MTSS1: variants seen among roughly 807,000 people sequenced by gnomAD.
MTSS1 encodes protein MTSS 1.
Under a neutral mutation model 79.0 loss-of-function variants are expected in MTSS1, and 18 were observed. The observed-to-expected ratio is 0.23, with a 90% CI of 0.16 to 0.34. The LOEUF (loss-of-function observed/expected upper bound fraction) is 0.34, where lower values mean the gene tolerates loss of function less well. Ranked by LOEUF, MTSS1 falls within the 10% of genes least tolerant of loss-of-function variation. The probability of loss-of-function intolerance (pLI) is 1.00; values close to 1 mark genes in which losing one functional copy is unlikely to be tolerated. For missense variants in MTSS1, 815 were observed against 986.2 expected (o/e 0.83, Z 2.33); for synonymous variants, 341 against 368.6 (o/e 0.93, Z 0.86).
At chr8:124,694,282 T>C (rs767970666) in intron 3 of MTSS1, among the ~76,000 whole-genome samples, 9 of 152,030 alleles carry the variant, frequency 5.9e-5, no homozygotes, top group Non-Finnish European at 1.3e-4. Flanking sequence ...GCCATCTGCT[T>C]GTGTCAGCAA....
intron 3 of MTSS1, among the ~76,000 whole-genome samples, chr8:124,622,090 G>GAA (rs1813664237): frequency 2.0e-5 from 3 of 151,272 alleles, no homozygotes; most frequent in South Asian, 2.1e-4. Context: ...GAGAGAGAGA[G>GAA]AGAGAGAATA....
chr8:124,565,391 CT>C (rs1826172063), intron 9 of MTSS1, among the ~76,000 whole-genome samples: 1 of 152,208 alleles, frequency 6.6e-6, no homozygotes, highest in Non-Finnish European at 1.5e-5. Context: ...CAAATGTGAT[CT>C]CATAGAATAG....
intron 3 of MTSS1, among the ~76,000 whole-genome samples, chr8:124,599,130 A>G (rs1185129450): frequency 1.3e-5 from 2 of 152,208 alleles, no homozygotes; most frequent in South Asian, 2.1e-4. Context: ...GCGCTTGAAC[A>G]GCAGCTCCCG....
intron 10 of MTSS1, among the ~76,000 whole-genome samples, chr8:124,561,653 A>G (rs1825350866): frequency 6.6e-6 from 1 of 152,100 alleles, no homozygotes; most frequent in East Asian, 1.9e-4. Flanking sequence ...TAATTTGTCA[A>G]TTAAACACAC....
At chr8:124,682,571 A>T (rs1168460168) in intron 3 of MTSS1, among the ~76,000 whole-genome samples, 1 of 152,222 alleles carries the variant, frequency 6.6e-6, no homozygotes, top group Non-Finnish European at 1.5e-5. Context: ...CCTGCAGGGT[A>T]AGAATACAGT....
At chr8:124,642,789 A>G (rs1818292819) in intron 3 of MTSS1, among the ~76,000 whole-genome samples, 1 of 152,040 alleles carries the variant, frequency 6.6e-6, no homozygotes, top group African/African-American at 2.4e-5. Flanking sequence ...GACAGGGTTT[A>G]GTCATATTGG....
chr8:124,555,467 C>G (rs544430110), intron 13 of MTSS1, among the ~76,000 whole-genome samples: 1 of 152,090 alleles, frequency 6.6e-6, no homozygotes, highest in African/African-American at 2.4e-5. Flanking sequence ...AGGATAGTCT[C>G]GATCTCCTGA....
At position 124,728,203 on chromosome 8, in the gene MTSS1, A is replaced by T; in HGVS notation, c.-248T>A. 2.8e-6 allele frequency: 1 copy of T among 361,270 alleles called. No individual in the cohort carries two copies. Among genetic ancestry groups the T allele is most frequent in the South Asian group, 6.7e-5 (1 of 14,892 alleles). The allele number at this position is 361,270 out of a possible 1,614,324, so 22.4% of individuals were successfully genotyped here. A position where few individuals can be genotyped will look rare whatever the true frequency, so the allele number is the denominator to read the frequency against. ...AAGCAGCGCTCGGCTCCTGGCCTTA[A>T]AAATGCCGGGAGAAGACTGACAATC... is the stretch of plus-strand genomic sequence containing the variant. On this transcript the variant is annotated 5_prime_UTR_variant, in exon 1 of 14. Coordinates refer to ENST00000518547, the MANE Select transcript of MTSS1 (RefSeq NM_014751.6). The surrounding 1 kb of genome is among the most constrained non-coding windows in gnomAD (Gnocchi z 6.1).
At chr8:124,602,020 C>A (rs561652073) in intron 3 of MTSS1, among the ~76,000 whole-genome samples, 92 of 151,634 alleles carry the variant, frequency 6.1e-4, no homozygotes, top group Admixed American at 1.2e-3. Flanking sequence ...AATCATGATG[C>A]CCTAGCTAAG....
In MTSS1 at chr8:124,555,874, G is replaced by C; in HGVS notation, c.1435C>G (p.Leu479Val). 5 of 1,610,628 alleles carry C rather than the reference G, an allele frequency of 3.1e-6. No individual in the cohort carries two copies. Among genetic ancestry groups the C allele is most frequent in the Non-Finnish European group, 4.2e-6 (5 of 1,179,948 alleles). Residue 479 changes from leucine (L) to valine (V), a missense_variant, in exon 13 of 14, where the codon CTG (leucine) becomes GTG (valine). Around this residue, in one of 2 missense-constraint regions of MTSS1, gnomAD observed 590 missense variants for 620.8 expected, o/e 0.95. Transcript: ENST00000518547. ...AGGCCCCGAGACAGGGCCAGGGCCA[G>C]CTCCTCACAAGCCTCCATCTCCTCA... Reference protein sequence around the residue: ...PGEEMEACEELALALSRGLQL... With the variant: ...PGEEMEACEEVALALSRGLQL...
intron 3 of MTSS1, among the ~76,000 whole-genome samples, chr8:124,688,286 T>C (rs1226842123): frequency 6.6e-6 from 1 of 151,928 alleles, no homozygotes; most frequent in Non-Finnish European, 1.5e-5. Context: ...TATATATGTG[T>C]GTACGTGTAT....
intron 3 of MTSS1, among the ~76,000 whole-genome samples, chr8:124,619,016 G>A (rs769273786): frequency 6.6e-6 from 1 of 152,210 alleles, no homozygotes; most frequent in Non-Finnish European, 1.5e-5. Context: ...TTAACGGCAG[G>A]TGATTAATAT....
intron 3 of MTSS1, among the ~76,000 whole-genome samples, chr8:124,670,280 A>G (rs992417805): frequency 6.6e-6 from 1 of 152,148 alleles, no homozygotes; most frequent in Non-Finnish European, 1.5e-5. Context: ...GGGAACAGCA[A>G]ATATTGTGAT....
intron 3 of MTSS1, among the ~76,000 whole-genome samples, chr8:124,610,035 T>A (rs1480366794): frequency 6.6e-6 from 1 of 152,184 alleles, no homozygotes; most frequent in Non-Finnish European, 1.5e-5. Context: ...TAGTTTGTGA[T>A]TCAAGGTCAT....
At chr8:124,620,179 C>G (rs1235815648) in intron 3 of MTSS1, among the ~76,000 whole-genome samples, 1 of 152,122 alleles carries the variant, frequency 6.6e-6, no homozygotes, top group Non-Finnish European at 1.5e-5. Context: ...CTCCCAGCCT[C>G]AGGTGACCCG....
intron 3 of MTSS1, among the ~76,000 whole-genome samples, chr8:124,640,605 G>A (rs1187974834): frequency 6.6e-6 from 1 of 152,162 alleles, no homozygotes; most frequent in Non-Finnish European, 1.5e-5. Flanking sequence ...GTGCAATGGC[G>A]TGATCTCAGC....
intron 3 of MTSS1, among the ~76,000 whole-genome samples, chr8:124,633,210 A>T (rs998784955): frequency 3.9e-5 from 6 of 152,082 alleles, no homozygotes; most frequent in Admixed American, 6.5e-5. Context: ...ACAACCTGGA[A>T]ATTTCTCCAG....
intron 3 of MTSS1, among the ~76,000 whole-genome samples, chr8:124,612,625 TG>T: frequency 1.7e-5 from 2 of 121,082 alleles, no homozygotes; most frequent in African/African-American, 3.3e-5. Flanking sequence ...TGTGTGTGTG[TG>T]TGTGTGTACG....
intron 3 of MTSS1, among the ~76,000 whole-genome samples, chr8:124,649,380 G>A (rs1381642757): frequency 6.6e-6 from 1 of 152,178 alleles, no homozygotes; most frequent in African/African-American, 2.4e-5. Context: ...GCCCTTCCCT[G>A]AACAAACCCC....
Sources: allele counts gnomAD v4.1 joint callset (sites outside exome capture counted in the v4.1 genomes callset), GRCh38; gene constraint gnomAD v4.1.1; regional missense constraint gnomAD v4.1.1; non-coding constraint Gnocchi (gnomAD v3.1); transcripts MANE v1.5; gene names NCBI Gene and HGNC (gene_info 2026-07-23, HGNC 2026-07-21).